KSR2: variants seen among roughly 807,000 people sequenced by gnomAD.
KSR2 encodes kinase suppressor of ras 2.
KSR2 carries 25 observed loss-of-function variants against 107.8 expected under a neutral mutation model. The observed-to-expected ratio is 0.23, with a 90% CI of 0.17 to 0.32. The LOEUF is 0.32. Among genes scored for constraint, KSR2 ranks in the 10% least tolerant of loss-of-function variants. The pLI, the probability that KSR2 is intolerant of heterozygous loss-of-function variation, is 1.00. For synonymous variants in KSR2, 480 were observed against 507.0 expected (o/e 0.95, Z 0.71); for missense variants, 887 against 1,268.9 (o/e 0.70, Z 4.57).
chr12:117,846,320 A>G (rs1593298895), intron 3 of KSR2, among the ~76,000 whole-genome samples: 2 of 142,840 alleles, frequency 1.4e-5, no homozygotes, highest in African/African-American at 2.6e-5. Flanking sequence ...TTGAGACAGA[A>G]TCTCACTCTG....
chr12:117,536,393 C>G (rs1876057087), intron 10 of KSR2, among the ~76,000 whole-genome samples: 1 of 152,148 alleles, frequency 6.6e-6, no homozygotes, highest in Admixed American at 6.5e-5. Context: ...CCCAACTGTA[C>G]TTCCAAAAGG....
chr12:117,576,621 C>A (rs866197773), intron 7 of KSR2, among the ~76,000 whole-genome samples: 1 of 152,026 alleles, frequency 6.6e-6, no homozygotes, highest in African/African-American at 2.4e-5. Flanking sequence ...CCCCAGCCTC[C>A]CAAGTATCTA....
chr12:117,859,453 T>A (rs545937491), intron 2 of KSR2, among the ~76,000 whole-genome samples: 1 of 133,478 alleles, frequency 7.5e-6, no homozygotes, highest in Non-Finnish European at 1.6e-5. Context: ...GTTTTTTGTT[T>A]TTTATTTATT....
chr12:117,828,931 G>A (rs182220534), intron 3 of KSR2, among the ~76,000 whole-genome samples: 26 of 152,304 alleles, frequency 1.7e-4, no homozygotes, highest in Admixed American at 1.5e-3. Context: ...ATTCCAAAAG[G>A]ATGACATGGT....
At chr12:117,707,288 C>A (rs1405932260) in intron 4 of KSR2, among the ~76,000 whole-genome samples, 2 of 152,026 alleles carry the variant, frequency 1.3e-5, no homozygotes, top group African/African-American at 4.8e-5. Context: ...TTTGAGGTTT[C>A]TTTTCGGGGT....
intron 5 of KSR2, among the ~76,000 whole-genome samples, chr12:117,599,947 G>A (rs1053914691): frequency 1.3e-5 from 2 of 152,120 alleles, no homozygotes; most frequent in African/African-American, 2.4e-5. Flanking sequence ...AGCAAGCCTG[G>A]GTACTACAGT....
At chr12:117,798,735 A>ATC (rs1555242313) in intron 3 of KSR2, among the ~76,000 whole-genome samples, 8,033 of 142,474 alleles carry the variant, frequency 0.056, 752 homozygotes, top group African/African-American at 0.19. Context: ...ATATATATAT[A>ATC]TCAACCCAAA....
intron 1 of KSR2, among the ~76,000 whole-genome samples, chr12:117,870,272 T>G (rs1190248448): frequency 6.6e-6 from 1 of 152,198 alleles, no homozygotes; most frequent in Non-Finnish European, 1.5e-5. Flanking sequence ...ACAGGTGTAT[T>G]CCACCTTTCC....
intron 5 of KSR2, among the ~76,000 whole-genome samples, chr12:117,609,211 G>A (rs1881457202): frequency 6.6e-6 from 1 of 152,162 alleles, no homozygotes; most frequent in Non-Finnish European, 1.5e-5. Flanking sequence ...GAGATATTGA[G>A]CAAATTATTT....
intron 3 of KSR2, among the ~76,000 whole-genome samples, chr12:117,819,152 A>G (rs566388025): frequency 3.9e-5 from 6 of 152,100 alleles, no homozygotes; most frequent in Non-Finnish European, 7.3e-5. Flanking sequence ...CAAAATATGT[A>G]GCATCAGGCT....
At chr12:117,834,631 C>G (rs1402864621) in intron 3 of KSR2, among the ~76,000 whole-genome samples, 1 of 152,204 alleles carries the variant, frequency 6.6e-6, no homozygotes, top group East Asian at 1.9e-4. Context: ...CTTCCCCTGA[C>G]CTTGCTCGGG....
At chr12:117,680,677 G>T (rs541965567) in intron 4 of KSR2, among the ~76,000 whole-genome samples, 21 of 152,260 alleles carry the variant, frequency 1.4e-4, no homozygotes, top group Admixed American at 7.2e-4. Flanking sequence ...TTAAATTATG[G>T]TAATTCCATT....
intron 1 of KSR2, among the ~76,000 whole-genome samples, chr12:117,921,386 C>T (rs1051601539): frequency 2.6e-5 from 4 of 152,160 alleles, no homozygotes; most frequent in African/African-American, 9.7e-5. Flanking sequence ...TGAAGCCACA[C>T]ACAGTGAGAT....
intron 1 of KSR2, among the ~76,000 whole-genome samples, chr12:117,869,546 T>C (rs970863988): frequency 6.6e-6 from 1 of 152,224 alleles, no homozygotes; most frequent in African/African-American, 2.4e-5. Flanking sequence ...CATACAGATC[T>C]ATTGAAACTC....
chr12:117,894,839 C>A (rs1362541807), intron 1 of KSR2, among the ~76,000 whole-genome samples: 1 of 151,514 alleles, frequency 6.6e-6, no homozygotes, highest in Non-Finnish European at 1.5e-5. Context: ...GCCTCCCCAC[C>A]AATGCTTCCT....
intron 3 of KSR2, among the ~76,000 whole-genome samples, chr12:117,796,115 A>AT (rs1375519916): frequency 2.7e-5 from 4 of 149,496 alleles, no homozygotes; most frequent in African/African-American, 1.0e-4. Flanking sequence ...TTTTGTAGAG[A>AT]TGGGGGAGTC....
At chr12:117,790,018 C>T (rs1385730941) in intron 3 of KSR2, among the ~76,000 whole-genome samples, 4 of 152,136 alleles carry the variant, frequency 2.6e-5, no homozygotes, top group Admixed American at 6.5e-5. Context: ...CCTGGGCTGA[C>T]GCTTCCACCG....
intron 10 of KSR2, among the ~76,000 whole-genome samples, chr12:117,534,573 A>G (rs1383965404): frequency 6.6e-6 from 1 of 151,754 alleles, no homozygotes; most frequent in Admixed American, 6.6e-5. Context: ...TTTTCTCACT[A>G]AGCTATACTT....
At chr12:117,810,206 CAAAG>C (rs1891148862) in intron 3 of KSR2, among the ~76,000 whole-genome samples, 1 of 152,246 alleles carries the variant, frequency 6.6e-6, no homozygotes, top group South Asian at 2.1e-4. Context: ...AGTCATATAA[CAAAG>C]AACCCACATA....
Sources: allele counts gnomAD v4.1 joint callset (sites outside exome capture counted in the v4.1 genomes callset), GRCh38; gene constraint gnomAD v4.1.1; transcripts MANE v1.5; gene names NCBI Gene and HGNC (gene_info 2026-07-23, HGNC 2026-07-21).